Variants in TMEM232 observed in about 807,000 individuals in gnomAD.
The protein encoded by TMEM232 is transmembrane protein 232.
A neutral mutation model predicts 78.8 loss-of-function variants in TMEM232; 80 were observed. The ratio of observed to expected loss-of-function variants is 1.01; its 90% confidence interval spans 0.85 to 1.22. TMEM232 has a LOEUF of 1.22. Ranked by LOEUF, TMEM232 falls within the 50% of genes most tolerant of loss-of-function variation. TMEM232 has a pLI of 0.00. For missense variants in TMEM232, 881 were observed against 742.2 expected, an observed-to-expected ratio of 1.19 and a Z score of -2.17; for synonymous variants, 297 against 254.3, an observed-to-expected ratio of 1.17 and a Z score of -1.60.
intron 8 of TMEM232, among the ~76,000 whole-genome samples, chr5:110,606,685 C>T (rs1427365117): frequency 6.6e-6 from 1 of 150,524 alleles, no homozygotes; most frequent in Admixed American, 6.6e-5. Context: ...TCTCAAAACA[C>T]AGCAATTTTT....
At chr5:110,620,336 A>C (rs1783473634) in intron 7 of TMEM232, among the ~76,000 whole-genome samples, 1 of 152,190 alleles carries the variant, frequency 6.6e-6, no homozygotes, top group African/African-American at 2.4e-5. Flanking sequence ...CATAAGAAAT[A>C]AACAAAGCCA....
chr5:110,636,144 G>T (rs185168713), intron 5 of TMEM232, among the ~76,000 whole-genome samples: 8 of 152,052 alleles, frequency 5.3e-5, no homozygotes, highest in Non-Finnish European at 7.4e-5. Flanking sequence ...TATGTTAAAT[G>T]AAATAAGCTA....
intron 12 of TMEM232, among the ~76,000 whole-genome samples, chr5:110,524,372 AAAG>A (rs1770131295): frequency 2.3e-5 from 1 of 43,818 alleles, no homozygotes; most frequent in African/African-American, 7.0e-5. Flanking sequence ...AAAAAGAAAG[AAAG>A]AAAGAAAGAA....
Position 110,443,737 on chromosome 5 carries a change from G to A in TMEM232, c.1704-18821C>T, listed in dbSNP as rs142053678. ...ACTTATCTCAGAGCCAACAGCCTACGGCGTACTACCTGGATATCACTACTG... is the reference window on the plus strand; with the variant it reads ...ACTTATCTCAGAGCCAACAGCCTACAGCGTACTACCTGGATATCACTACTG... On this transcript the variant is annotated intron_variant, in intron 12 of 13. Coordinates refer to ENST00000455884, the MANE Select transcript of TMEM232 (RefSeq NM_001039763.4). Among the ~76,000 whole-genome samples the A allele has an allele frequency of 8.0e-4, 122 of 152,248 alleles. 1 individual carries two copies. Among genetic ancestry groups the A allele is most frequent in the African/African-American group, 2.7e-3 (112 of 41,564 alleles).
chr5:110,623,313 A>G (rs1422128478), intron 7 of TMEM232, among the ~76,000 whole-genome samples: 2 of 152,176 alleles, frequency 1.3e-5, no homozygotes, highest in African/African-American at 4.8e-5. Flanking sequence ...ACAACAAATT[A>G]AGTAATTATG....
chr5:110,627,673 A>G, intron 6 of TMEM232, 108 bp downstream of exon 6: 1 of 796,746 alleles, frequency 1.3e-6, no homozygotes, highest in Non-Finnish European at 1.9e-6. Context: ...TGCACCTATT[A>G]TCTTTTATGA....
At chr5:110,468,976 C>G (rs1489975578) in intron 12 of TMEM232, among the ~76,000 whole-genome samples, 1 of 151,996 alleles carries the variant, frequency 6.6e-6, no homozygotes, top group Non-Finnish European at 1.5e-5. Context: ...ATCCCTAAAC[C>G]AGAATAAGCT....
intron 1 of TMEM232, among the ~76,000 whole-genome samples, chr5:110,720,086 T>C (rs751110925): frequency 3.3e-5 from 5 of 152,108 alleles, no homozygotes; most frequent in Non-Finnish European, 7.4e-5. Context: ...GAACCTTATG[T>C]TTCAAATAAA....
At chr5:110,612,134 C>T (rs1782374271) in intron 8 of TMEM232, among the ~76,000 whole-genome samples, 1 of 152,084 alleles carries the variant, frequency 6.6e-6, no homozygotes, top group South Asian at 2.1e-4. Flanking sequence ...TTAAATTTTT[C>T]AAAAGCTCTT....
intron 12 of TMEM232, among the ~76,000 whole-genome samples, chr5:110,427,511 G>A (rs1013533235): frequency 2.0e-5 from 3 of 151,654 alleles, no homozygotes; most frequent in Non-Finnish European, 4.4e-5. Context: ...AGTAGAGAGA[G>A]ACTTTTCAAG....
At chr5:110,680,916 G>A (rs1445847767) in intron 1 of TMEM232, among the ~76,000 whole-genome samples, 2 of 152,024 alleles carry the variant, frequency 1.3e-5, no homozygotes, top group East Asian at 3.9e-4. Context: ...TGGGGTATGG[G>A]TAGGGGTAGA....
intron 12 of TMEM232, among the ~76,000 whole-genome samples, chr5:110,527,145 A>G (rs555541077): frequency 2.6e-5 from 4 of 152,040 alleles, no homozygotes; most frequent in African/African-American, 9.6e-5. Flanking sequence ...AAAGAAAGTT[A>G]ACTTTCTAAC....
chr5:110,727,431 G>T (rs889151562), upstream of TMEM232, among the ~76,000 whole-genome samples: 1 of 152,102 alleles, frequency 6.6e-6, no homozygotes, highest in Non-Finnish European at 1.5e-5. Context: ...CTAACATGGT[G>T]AAACCCGTCT....
At chr5:110,618,375 T>G in intron 8 of TMEM232, 54 bp downstream of exon 8, 1 of 1,539,200 alleles carries the variant, frequency 6.5e-7, no homozygotes, top group Non-Finnish European at 8.7e-7. Flanking sequence ...TATTTAACAT[T>G]TAAGCACAAA....
intron 12 of TMEM232, among the ~76,000 whole-genome samples, chr5:110,442,013 G>A (rs1161779385): frequency 6.6e-6 from 1 of 151,324 alleles, no homozygotes; most frequent in Non-Finnish European, 1.5e-5. Flanking sequence ...CTCCATGTAT[G>A]TGGCTTCTTC....
intron 1 of TMEM232, among the ~76,000 whole-genome samples, chr5:110,702,537 C>G (rs191193971): frequency 6.6e-6 from 1 of 152,030 alleles, no homozygotes; most frequent in African/African-American, 2.4e-5. Flanking sequence ...ACTCTCTCAT[C>G]CACATGTTAC....
At chr5:110,475,076 A>T (rs1180612179) in intron 12 of TMEM232, among the ~76,000 whole-genome samples, 1 of 151,984 alleles carries the variant, frequency 6.6e-6, no homozygotes. Flanking sequence ...AGAAGCCCAA[A>T]TATTTTATTA....
intron 12 of TMEM232, among the ~76,000 whole-genome samples, chr5:110,520,690 C>A (rs913083581): frequency 4.6e-5 from 7 of 152,052 alleles, no homozygotes; most frequent in African/African-American, 1.7e-4. Context: ...GAGGCCGAGG[C>A]GGGTGGATCA....
chr5:110,706,104 G>C (rs1028406882), intron 1 of TMEM232, among the ~76,000 whole-genome samples: 3 of 152,068 alleles, frequency 2.0e-5, no homozygotes, highest in Non-Finnish European at 1.5e-5. Context: ...TGATAACCAA[G>C]TATTTTGGGA....
Sources: gnomAD v4.1 joint callset for allele counts (sites outside exome capture counted in the v4.1 genomes callset) on GRCh38, gnomAD v4.1.1 for gene constraint, MANE v1.5 for transcripts, NCBI Gene and HGNC (gene_info 2026-07-23, HGNC 2026-07-21) for gene names.